Variants in USP53 observed in about 807,000 individuals in gnomAD.
USP53 encodes ubiquitin specific peptidase 53.
A neutral mutation model predicts 94.9 loss-of-function variants in USP53; 71 were observed. The ratio of observed to expected loss-of-function variants is 0.75; its 90% CI spans 0.62 to 0.91. USP53 has a LOEUF of 0.91. Among genes scored for constraint, USP53 ranks in the 40% least tolerant of loss-of-function variants. USP53 has a pLI of 0.00. For synonymous variants in USP53, 375 were observed against 422.7 expected (o/e 0.89, Z 1.39); for missense variants, 1,173 against 1,281.0 (o/e 0.92, Z 1.29).
Position 119,260,267 on chromosome 4 carries a change from CT to C in USP53, c.676-232del, listed in dbSNP as rs201806681. Among the ~76,000 whole-genome samples, 904 of 151,648 alleles carry C rather than the reference CT, an allele frequency of 6.0e-3. 11 individuals are homozygous for C. The highest frequency in any genetic ancestry group is 0.021 in the African/African-American group (856 of 41,404). ...ACTGACTTCAAGAGTTTTATTTCTG[CT>C]TTTTTTTAGGTTGAATTCTTACTTT... On this transcript the variant is annotated intron_variant, in intron 10 of 18. Coordinates refer to ENST00000692078, the MANE Select transcript of USP53 (RefSeq NM_001371395.1).
Position 119,271,850 on chromosome 4 carries a change from G to A in USP53, c.1990G>A (p.Glu664Lys). The A allele has an allele frequency of 6.2e-7, 1 of 1,613,288 alleles. No homozygotes were observed. The highest frequency in any genetic ancestry group is 8.5e-7 in the Non-Finnish European group (1 of 1,179,850). ...SSLESNGKGA[E>K]KNKGLVEGKV... ...CCTTGAATCTAATGGAAAAGGAGCAGAGAAAAATAAAGGCCTTGTAGAGGG... is the reference window on the plus strand; with the variant it reads ...CCTTGAATCTAATGGAAAAGGAGCAAAGAAAAATAAAGGCCTTGTAGAGGG... The change falls in exon 16 of 19, where the codon GAG becomes AAG. Residue 664 changes from glutamate (E) to lysine (K), a missense_variant. Coordinates refer to ENST00000692078, the MANE Select transcript of USP53 (RefSeq NM_001371395.1).
rs1012860385 is a variant in USP53, at chr4:119,292,454, C to T, written c.2465C>T (p.Pro822Leu). 62 of 1,613,662 alleles carry T rather than the reference C, an allele frequency of 3.8e-5. No homozygotes were observed. Among genetic ancestry groups the T allele is most frequent in the Non-Finnish European group, 4.7e-5 (55 of 1,179,878 alleles). ...TCAGATGAACAGAAACTTGAAAAACCGAATGAATGCAAATTTTCTGAGTGG... is the reference window on the plus strand; with the variant it reads ...TCAGATGAACAGAAACTTGAAAAACTGAATGAATGCAAATTTTCTGAGTGG... Reference protein sequence around the residue: ...HQSDEQKLEKPNECKFSEWLN... With the variant: ...HQSDEQKLEKLNECKFSEWLN... The change falls in exon 19 of 19, where the codon CCG becomes CTG. Residue 822 changes from proline (P) to leucine (L), a missense_variant. Physicochemically the swap from Pro to Leu is moderately conservative, Grantham distance 98. Transcript: ENST00000692078.
At chr4:119,255,211 C>T (rs1253397767) in intron 7 of USP53, among the ~76,000 whole-genome samples, 2 of 152,184 alleles carry the variant, frequency 1.3e-5, no homozygotes, top group South Asian at 2.1e-4. Context: ...GCAGTCTGTT[C>T]GTTATCGGAG....
At chr4:119,276,533 T>A (rs1752668503) in intron 17 of USP53, among the ~76,000 whole-genome samples, 1 of 151,486 alleles carries the variant, frequency 6.6e-6, no homozygotes, top group African/African-American at 2.4e-5. Context: ...GCATCAATGT[T>A]CATCAAGGAT....
intron 3 of USP53, among the ~76,000 whole-genome samples, chr4:119,234,825 A>G (rs764621560): frequency 3.3e-5 from 5 of 152,232 alleles, no homozygotes; most frequent in Admixed American, 6.5e-5. Context: ...AGATACCACA[A>G]TCCATGGATA....
chr4:119,284,825 A>G (rs1354700747), intron 17 of USP53, among the ~76,000 whole-genome samples: 1 of 151,920 alleles, frequency 6.6e-6, no homozygotes, highest in Non-Finnish European at 1.5e-5. Flanking sequence ...ATATTAACTG[A>G]GGACACCTAT....
At position 119,266,244 on chromosome 4, in the gene USP53, G is replaced by A. The variant is rs114668794; in HGVS notation, c.973-1076G>A. 1,724 of 455,128 alleles carry A rather than the reference G, an allele frequency of 3.8e-3. 24 individuals are homozygous for A. Among genetic ancestry groups the A allele is most frequent in the African/African-American group, 0.03 (1,484 of 50,084 alleles). The allele number at this position is 455,128 out of a possible 1,614,324, so 28.2% of individuals were successfully genotyped here. ...TTTATGGCTGTACAACAATTTATCC[G>A]TTTACCTGTTGAAGTATGAGTAATC... On this transcript the variant is annotated intron_variant, in intron 12 of 18. Coordinates refer to ENST00000692078, the MANE Select transcript of USP53 (RefSeq NM_001371395.1).
At position 119,243,112 on chromosome 4, in the gene USP53, G is replaced by A. The variant is rs147658838; in HGVS notation, c.145-2225G>A. Among the ~76,000 whole-genome samples the A allele has an allele frequency of 6.8e-3, 1,033 of 152,102 alleles. 8 individuals carry two copies. The highest frequency in any genetic ancestry group is 0.024 in the African/African-American group (1,000 of 41,492). On this transcript the variant is annotated intron_variant, in intron 5 of 18. Transcript: ENST00000692078. ...ATTTAAATTGCTACATGCAAATAAC[G>A]AAAAAGTGTATATTGCTAGAAACTA...
intron 6 of USP53, among the ~76,000 whole-genome samples, chr4:119,247,418 A>G (rs182145522): frequency 8.5e-5 from 13 of 152,208 alleles, no homozygotes; most frequent in African/African-American, 3.1e-4. Context: ...CTCTCCTCAA[A>G]TGTTACTTTT....
At chr4:119,286,989 A>G (rs1754183591) in intron 17 of USP53, among the ~76,000 whole-genome samples, 1 of 152,066 alleles carries the variant, frequency 6.6e-6, no homozygotes, top group Non-Finnish European at 1.5e-5. Flanking sequence ...TAAAAGTGTT[A>G]TGAGTATAGC....
chr4:119,261,870 T>A lies in USP53; in HGVS notation c.972+6T>A, dbSNP rs1303522630. 4.1e-6 allele frequency: 6 copies of A among 1,447,274 alleles called. No individual in the cohort carries two copies. The East Asian group carries it at 7.2e-5, about 17-fold the overall frequency. The allele number at this position is 1,447,274 out of a possible 1,614,324, so 89.7% of individuals were successfully genotyped here. ...ATGATGCAAATGTGAAAGAGGTAAG[T>A]GACACTTTCTTTAATTGAAATAATT... is the stretch of plus-strand genomic sequence containing the variant. On this transcript the variant is annotated splice_donor_region_variant and intron_variant, in intron 12 of 18. Coordinates refer to ENST00000692078, the MANE Select transcript of USP53 (RefSeq NM_001371395.1).
At chr4:119,238,277 C>T (rs1561221903) in intron 4 of USP53, among the ~76,000 whole-genome samples, 1 of 152,132 alleles carries the variant, frequency 6.6e-6, no homozygotes, top group Non-Finnish European at 1.5e-5. Context: ...ACTCCTTTTA[C>T]TTGAACACCT....
chr4:119,260,889 T>C (rs1355494268), intron 11 of USP53, among the ~76,000 whole-genome samples: 1 of 151,602 alleles, frequency 6.6e-6, no homozygotes, highest in Non-Finnish European at 1.5e-5. Flanking sequence ...ATTGTAAATA[T>C]AAATATTGTT....
At chr4:119,279,073 G>A (rs1753068885) in intron 17 of USP53, among the ~76,000 whole-genome samples, 1 of 145,614 alleles carries the variant, frequency 6.9e-6, no homozygotes, top group Non-Finnish European at 1.5e-5. Flanking sequence ...AGAGTAATTT[G>A]ATCGTCTGAA....
intron 7 of USP53, among the ~76,000 whole-genome samples, chr4:119,253,289 G>A (rs1749289279): frequency 6.6e-6 from 1 of 152,012 alleles, no homozygotes; most frequent in South Asian, 2.1e-4. Context: ...TTTCTGTCTT[G>A]TTGATCTGCC....
intron 17 of USP53, among the ~76,000 whole-genome samples, chr4:119,276,404 T>C (rs1397435969): frequency 6.6e-6 from 1 of 150,908 alleles, no homozygotes; most frequent in Non-Finnish European, 1.5e-5. Flanking sequence ...ATTACATTTA[T>C]TGATTTGCGT....
chr4:119,261,874 A>G lies in USP53; in HGVS notation c.972+10A>G. ...TGCAAATGTGAAAGAGGTAAGTGAC[A>G]CTTTCTTTAATTGAAATAATTACTG... On this transcript the variant is annotated intron_variant, in intron 12 of 18. Coordinates refer to ENST00000692078, the MANE Select transcript of USP53 (RefSeq NM_001371395.1). 6.9e-7 allele frequency: 1 copy of G among 1,440,562 alleles called. No homozygotes were observed. The highest frequency in any genetic ancestry group is 9.2e-7 in the Non-Finnish European group (1 of 1,081,236). The allele number at this position is 1,440,562 out of a possible 1,614,324, so 89.2% of individuals were successfully genotyped here.
chr4:119,282,572 ATT>A (rs1201974550), intron 17 of USP53, among the ~76,000 whole-genome samples: 2 of 151,974 alleles, frequency 1.3e-5, no homozygotes, highest in Non-Finnish European at 2.9e-5. Context: ...GTTATTTCTG[ATT>A]TCATAAACTT....
At position 119,292,796 on chromosome 4, in the gene USP53, A is replaced by G; in HGVS notation, c.2807A>G (p.Gln936Arg). The G allele has an allele frequency of 6.2e-7, 1 of 1,610,920 alleles. No individual in the cohort carries two copies. Among genetic ancestry groups the G allele is most frequent in the Non-Finnish European group, 8.5e-7 (1 of 1,178,814 alleles). ...AAATATGCTATAACCAGTGTGCCAC[A>G]GTCAGAGAAAAGCGAATCTACACCT... ...PKKYAITSVP[Q>R]SEKSESTPDV... Residue 936 changes from glutamine (Q) to arginine (R), a missense_variant, in exon 19 of 19, where the codon CAG becomes CGG. Coordinates refer to ENST00000692078, the MANE Select transcript of USP53 (RefSeq NM_001371395.1).
Sources: gnomAD v4.1 joint callset for allele counts (sites outside exome capture counted in the v4.1 genomes callset) on GRCh38, gnomAD v4.1.1 for gene constraint, MANE v1.5 for transcripts, NCBI Gene and HGNC (gene_info 2026-07-23, HGNC 2026-07-21) for gene names.